KLRG2: variants seen among roughly 807,000 people sequenced by gnomAD.
KLRG2 encodes killer cell lectin like receptor G2.
KLRG2 carries 39 observed loss-of-function variants against 35.4 expected under a neutral mutation model. That is an observed-to-expected ratio of 1.10 (90% CI 0.85 to 1.44). KLRG2 has a LOEUF of 1.44. Among genes scored for constraint, KLRG2 ranks in the 40% most tolerant of loss-of-function variants. The pLI is 0.00. For missense variants in KLRG2, 632 were observed against 570.9 expected, an observed-to-expected ratio of 1.11 and a Z score of -1.09; for synonymous variants, 283 against 265.8, an observed-to-expected ratio of 1.06 and a Z score of -0.63.
At chr7:139,455,943 A>T (rs1796471045) in intron 3 of KLRG2, among the ~76,000 whole-genome samples, 1 of 152,222 alleles carries the variant, frequency 6.6e-6, no homozygotes, top group South Asian at 2.1e-4. Context: ...CATGATGGAA[A>T]ATTATAGTGC....
chr7:139,460,672 A>G (rs1796553226), intron 3 of KLRG2, among the ~76,000 whole-genome samples: 1 of 151,682 alleles, frequency 6.6e-6, no homozygotes, highest in Admixed American at 6.6e-5. Flanking sequence ...AAAAAAAAAA[A>G]AGACAGCTGG....
chr7:139,460,363 A>T (rs975799744), intron 3 of KLRG2, among the ~76,000 whole-genome samples: 1 of 152,166 alleles, frequency 6.6e-6, no homozygotes, highest in Non-Finnish European at 1.5e-5. Flanking sequence ...ATTTATAAGG[A>T]AAATCAATTA....
chr7:139,455,176 A>G (rs1423359908), intron 3 of KLRG2, among the ~76,000 whole-genome samples: 1 of 151,224 alleles, frequency 6.6e-6, no homozygotes, highest in East Asian at 1.9e-4. Context: ...GCACCACCAC[A>G]CCCAGGTAAT....
chr7:139,429,239 G>A, the KLRG2 span, among the ~76,000 whole-genome samples: 5 of 152,204 alleles, frequency 3.3e-5, no homozygotes, highest in Non-Finnish European at 5.9e-5. Flanking sequence ...CCTGGAAGTG[G>A]AGGTTGCAGT....
At chr7:139,439,658 C>T in the KLRG2 span, among the ~76,000 whole-genome samples, 1 of 152,132 alleles carries the variant, frequency 6.6e-6, no homozygotes, top group South Asian at 2.1e-4. Context: ...CAATTTCTGG[C>T]ACGTGATGCT....
chr7:139,465,536 CA>C (rs1380219444), intron 3 of KLRG2, among the ~76,000 whole-genome samples: 3 of 151,826 alleles, frequency 2.0e-5, no homozygotes, highest in Non-Finnish European at 4.4e-5. Context: ...ACTAAAAATA[CA>C]AAAAATTAGC....
Position 139,483,482 on chromosome 7 carries a change from A to C in KLRG2, c.161T>G (p.Val54Gly). 1 of 1,593,094 alleles carries C rather than the reference A, an allele frequency of 6.3e-7. No individual in the cohort carries two copies. Among genetic ancestry groups the C allele is most frequent in the Non-Finnish European group, 8.5e-7 (1 of 1,177,024 alleles). The change falls in exon 1 of 5, where the codon GTG becomes GGG. Residue 54 changes from valine to glycine, a missense_variant. Transcript: ENST00000340940. ...CAGGCCTGCGCCCGCCGCCTTCTCC[A>C]CGGCCCCGGCCGGACTTGGGCTGCT... ...PESSPSPAGA[V>G]EKAAGAGLEP...
the KLRG2 span, among the ~76,000 whole-genome samples, chr7:139,446,778 T>C: frequency 2.1e-4 from 32 of 151,922 alleles, no homozygotes; most frequent in Admixed American, 2.0e-3. Context: ...TCCTCCGACA[T>C]CGGCTTCTGA....
intron 3 of KLRG2, among the ~76,000 whole-genome samples, chr7:139,469,723 C>T (rs547518093): frequency 9.2e-5 from 14 of 152,238 alleles, no homozygotes; most frequent in South Asian, 2.1e-4. Flanking sequence ...GGATTACAGG[C>T]GTGAGCCACT....
intron 3 of KLRG2, among the ~76,000 whole-genome samples, chr7:139,455,071 T>G (rs184394951): frequency 6.6e-6 from 1 of 150,940 alleles, no homozygotes; most frequent in South Asian, 2.1e-4. Context: ...CAGGCTGGAG[T>G]GCAGTGGCAC....
chr7:139,450,634 A>C (rs1224861494), downstream of KLRG2, among the ~76,000 whole-genome samples: 1 of 152,098 alleles, frequency 6.6e-6, no homozygotes, highest in Non-Finnish European at 1.5e-5. Flanking sequence ...ATTTATTACT[A>C]TTATTTTTAT....
At chr7:139,463,017 G>C (rs930902150) in intron 3 of KLRG2, among the ~76,000 whole-genome samples, 1 of 151,960 alleles carries the variant, frequency 6.6e-6, no homozygotes, top group South Asian at 2.1e-4. Context: ...CCTCACACCC[G>C]ACGCGGCTTA....
At chr7:139,443,094 C>CTTTTTTTTT in the KLRG2 span, among the ~76,000 whole-genome samples, 1 of 120,578 alleles carries the variant, frequency 8.3e-6, no homozygotes, top group Non-Finnish European at 1.6e-5. Context: ...GGAAAAAAAA[C>CTTTTTTTTT]TTTTTTTTTT....
chr7:139,444,833 A>C, the KLRG2 span, among the ~76,000 whole-genome samples: 57 of 152,346 alleles, frequency 3.7e-4, no homozygotes, highest in African/African-American at 1.3e-3. Flanking sequence ...GACAGATTAA[A>C]TAGTGAAATA....
chr7:139,472,127 T>C (rs1796768016), intron 3 of KLRG2, among the ~76,000 whole-genome samples: 1 of 152,074 alleles, frequency 6.6e-6, no homozygotes, highest in African/African-American at 2.4e-5. Flanking sequence ...CCCCTCCCTA[T>C]TGTGTGGGGC....
chr7:139,430,799 A>G, the KLRG2 span, among the ~76,000 whole-genome samples: 2 of 152,172 alleles, frequency 1.3e-5, no homozygotes, highest in South Asian at 4.1e-4. Context: ...ACTTGAGGTC[A>G]GCAGTTCGAA....
chr7:139,433,102 A>C, the KLRG2 span, among the ~76,000 whole-genome samples: 1 of 152,160 alleles, frequency 6.6e-6, no homozygotes, highest in Non-Finnish European at 1.5e-5. Context: ...AGTTCTAAAT[A>C]ATGTTTATAC....
chr7:139,451,177 A>C (rs1796370713), downstream of KLRG2, among the ~76,000 whole-genome samples: 1 of 152,196 alleles, frequency 6.6e-6, no homozygotes, highest in South Asian at 2.1e-4. Flanking sequence ...GTCTGGGGCA[A>C]ATAGTTGTTG....
downstream of KLRG2, among the ~76,000 whole-genome samples, chr7:139,449,980 C>T (rs539863827): frequency 2.2e-4 from 33 of 151,522 alleles, no homozygotes; most frequent in South Asian, 5.2e-3. Flanking sequence ...GGATTACAGG[C>T]GTGAGCCACT....
Sources: gnomAD v4.1 joint callset for allele counts (sites outside exome capture counted in the v4.1 genomes callset) on GRCh38, gnomAD v4.1.1 for gene constraint, MANE v1.5 for transcripts, NCBI Gene and HGNC (gene_info 2026-07-23, HGNC 2026-07-21) for gene names.